RGS9: variants seen among roughly 807,000 people sequenced by gnomAD.
RGS9 encodes the protein regulator of G-protein signalling 9.
RGS9 carries 78 observed loss-of-function variants against 102.0 expected under a neutral mutation model. The ratio of observed to expected loss-of-function variants is 0.76; its 90% CI spans 0.64 to 0.92. RGS9 has a LOEUF of 0.92. Among genes scored for constraint, RGS9 ranks in the 40% least tolerant of loss-of-function variants. RGS9 has a pLI of 0.00. For missense variants in RGS9, 833 were observed against 866.1 expected (o/e 0.96, Z 0.48); for synonymous variants, 353 against 318.6 (o/e 1.11, Z -1.15).
chr17:65,160,647 G>T, intron 5 of RGS9, 60 bp downstream of exon 5: 1 of 1,572,874 alleles, frequency 6.4e-7, no homozygotes, highest in Non-Finnish European at 8.7e-7. Context: ...TTATTTACTT[G>T]CTGCACTTTG....
At chr17:65,182,164 A>C (rs1911910210) in intron 9 of RGS9, among the ~76,000 whole-genome samples, 1 of 152,228 alleles carries the variant, frequency 6.6e-6, no homozygotes, top group African/African-American at 2.4e-5. Flanking sequence ...ATGGCCTCCC[A>C]GTATAAAATA....
At position 65,163,037 on chromosome 17, in the gene RGS9, A is replaced by G; in HGVS notation, c.448A>G (p.Lys150Glu). The G allele has an allele frequency of 6.3e-7, 1 of 1,599,038 alleles. No individual in the cohort carries two copies. Among genetic ancestry groups the G allele is most frequent in the South Asian group, 1.1e-5 (1 of 90,630 alleles). The stretch of plus-strand genomic sequence containing the variant: ...GGAAAATTACAATTTCTTGAACCAA[A>G]AAATGAACTATAAGTGGGACTTTGT... ...EKENYNFLNQ[K>E]MNYKWDFVIM... is the part of the protein sequence containing the mutation. Residue 150 changes from lysine (K) to glutamate (E), a missense_variant, in exon 7 of 19, where the codon AAA becomes GAA. Lys to Glu is a moderately conservative substitution (Grantham distance 56). Transcript: ENST00000262406.
chr17:65,137,716 G>A, intron 1 of RGS9, 119 bp downstream of exon 1: 1 of 845,978 alleles, frequency 1.2e-6, no homozygotes, highest in Non-Finnish European at 1.9e-6. Context: ...TGTGCTGCTC[G>A]ATTTTATTAA....
chr17:65,156,025 TA>T (rs1464743345), intron 2 of RGS9, among the ~76,000 whole-genome samples: 1 of 152,088 alleles, frequency 6.6e-6, no homozygotes, highest in African/African-American at 2.4e-5. Context: ...ATTTTATTTT[TA>T]CTTATACTTT....
intron 9 of RGS9, among the ~76,000 whole-genome samples, chr17:65,179,635 C>CTGTGTGTGTGTGTGTGTG (rs56275900): frequency 1.4e-4 from 18 of 125,086 alleles, no homozygotes; most frequent in Middle Eastern, 4.2e-3. Flanking sequence ...TACTGCTCAG[C>CTGTGTGTGTGTGTGTGTG]TGTGTGTGTG....
intron 8 of RGS9, among the ~76,000 whole-genome samples, chr17:65,169,557 C>G (rs547207031): frequency 2.0e-5 from 3 of 152,184 alleles, no homozygotes; most frequent in Non-Finnish European, 2.9e-5. Flanking sequence ...CACCTTGGTG[C>G]CCAGTGGCAC....
chr17:65,193,048 C>T (rs1912435700), intron 11 of RGS9, among the ~76,000 whole-genome samples: 1 of 151,318 alleles, frequency 6.6e-6, no homozygotes, highest in Admixed American at 6.6e-5. Flanking sequence ...ATCGCTTGAC[C>T]CCAGGAGTTT....
intron 3 of RGS9, among the ~76,000 whole-genome samples, chr17:65,159,212 T>G (rs1467946390): frequency 7.0e-6 from 1 of 142,154 alleles, no homozygotes; most frequent in Non-Finnish European, 1.5e-5. Flanking sequence ...TACCCAAATC[T>G]TATAAAACAG....
At chr17:65,139,273 C>T (rs577163066) in intron 1 of RGS9, among the ~76,000 whole-genome samples, 2 of 150,240 alleles carry the variant, frequency 1.3e-5, no homozygotes, top group Non-Finnish European at 3.0e-5. Flanking sequence ...CCCCATCTTC[C>T]ACCCCGGTCT....
rs530504221 is a variant in RGS9, at chr17:65,218,216, T to C, written c.1408-6786T>C. On this transcript the variant is annotated intron_variant, in intron 17 of 18. Transcript: ENST00000262406. ...GCCAAGCAGCCATTCAGGAAAACTT[T>C]GGAATTCCCAGCAACTTTGTCAATG... Among the ~76,000 whole-genome samples, 5 of 152,342 alleles carry C rather than the reference T, an allele frequency of 3.3e-5. No individual in the cohort carries two copies. In the South Asian group the frequency reaches 8.3e-4, roughly 25 times the overall value.
intron 7 of RGS9, 108 bp downstream of exon 7, chr17:65,163,197 C>G: frequency 2.0e-6 from 1 of 510,492 alleles, no homozygotes; most frequent in East Asian, 4.4e-5. Context: ...TTTTTTGAGA[C>G]AGAGTCTTGC....
chr17:65,144,006 A>T (rs911025425), intron 1 of RGS9, among the ~76,000 whole-genome samples: 1 of 151,746 alleles, frequency 6.6e-6, no homozygotes, highest in African/African-American at 2.4e-5. Flanking sequence ...GGTCACCTGG[A>T]ACGATTCCCA....
chr17:65,212,788 C>G (rs1913354027), intron 17 of RGS9, among the ~76,000 whole-genome samples: 1 of 152,218 alleles, frequency 6.6e-6, no homozygotes, highest in African/African-American at 2.4e-5. Flanking sequence ...TTGCTCATCT[C>G]TCTTCTGGAG....
chr17:65,170,732 G>A (rs1464520001), intron 8 of RGS9, among the ~76,000 whole-genome samples: 2 of 152,238 alleles, frequency 1.3e-5, no homozygotes, highest in African/African-American at 2.4e-5. Context: ...GGCTTTGATG[G>A]ACTCAGAGTG....
chr17:65,200,070 C>T (rs1228198803), intron 13 of RGS9, among the ~76,000 whole-genome samples: 1 of 152,110 alleles, frequency 6.6e-6, no homozygotes, highest in Non-Finnish European at 1.5e-5. Flanking sequence ...CTTGCTCTGT[C>T]GCCCAGGCTG....
rs36062784 is a variant in RGS9 at position 65,147,587 on chromosome 17, C to CTTTTTTTTTT, written c.58-5823_58-5814dup. Among the ~76,000 whole-genome samples, 25 of 103,674 alleles carry CTTTTTTTTTT rather than the reference C, an allele frequency of 2.4e-4. 4 individuals are homozygous for CTTTTTTTTTT. Among genetic ancestry groups the CTTTTTTTTTT allele is most frequent in the African/African-American group, 9.4e-4 (20 of 21,182 alleles). 68.0% of individuals were successfully genotyped at this position (103,674 alleles called of 152,430 possible). A position where few individuals can be genotyped will look rare whatever the true frequency, so the allele number is the denominator to read the frequency against. ...GATCATTCTCTCTCTCTTTTAAAAA[C>CTTTTTTTTTT]TTTTTTTTTTTTTTTTTTTTTGAGA... On this transcript the variant is annotated intron_variant, in intron 1 of 18. Coordinates refer to ENST00000262406, the MANE Select transcript of RGS9 (RefSeq NM_003835.4).
chr17:65,187,356 G>A (rs1475116321), intron 9 of RGS9, among the ~76,000 whole-genome samples: 1 of 152,218 alleles, frequency 6.6e-6, no homozygotes, highest in African/African-American at 2.4e-5. Flanking sequence ...GAAGGAGGAA[G>A]TCAGGGTGTA....
At chr17:65,219,874 CCATCATCACCATCATCATCATCACTAT>C (rs1310732184) in intron 17 of RGS9, among the ~76,000 whole-genome samples, 1 of 151,266 alleles carries the variant, frequency 6.6e-6, no homozygotes. Flanking sequence ...CACCATCATA[CCATCATCACCATCATCATCATCACTAT>C]CATCATCACC....
intron 1 of RGS9, among the ~76,000 whole-genome samples, chr17:65,152,100 T>A (rs1910600325): frequency 6.6e-6 from 1 of 151,766 alleles, no homozygotes; most frequent in South Asian, 2.1e-4. Flanking sequence ...GTGCCAAGGG[T>A]GGAGTTCAGG....
Sources: gnomAD v4.1 joint callset for allele counts (sites outside exome capture counted in the v4.1 genomes callset) on GRCh38, gnomAD v4.1.1 for gene constraint, MANE v1.5 for transcripts, NCBI Gene and HGNC (gene_info 2026-07-23, HGNC 2026-07-21) for gene names.